The following TRIM9 variants were observed in gnomAD, a reference collection of about 807,000 sequenced individuals.
TRIM9 encodes the protein tripartite motif containing 9.
A neutral mutation model predicts 78.3 loss-of-function variants in TRIM9; 26 were observed. That is an observed-to-expected ratio of 0.33 (90% CI 0.24 to 0.46). TRIM9 has a LOEUF of 0.46. Among genes scored for constraint, TRIM9 ranks in the 20% least tolerant of loss-of-function variants. The pLI is 1.00. For missense variants in TRIM9, 787 were observed against 1,036.4 expected, an observed-to-expected ratio of 0.76 and a Z score of 3.30; for synonymous variants, 398 against 416.5, an observed-to-expected ratio of 0.96 and a Z score of 0.54.
chr14:51,045,182 T>C (rs1000909563), intron 1 of TRIM9, among the ~76,000 whole-genome samples: 1 of 152,154 alleles, frequency 6.6e-6, no homozygotes, highest in Non-Finnish European at 1.5e-5. Flanking sequence ...TGATGAGAAA[T>C]CAGAGACTCC....
chr14:50,993,789 T>A (rs137868073), intron 7 of TRIM9, among the ~76,000 whole-genome samples: 13 of 152,306 alleles, frequency 8.5e-5, no homozygotes, highest in Non-Finnish European at 1.5e-4. Flanking sequence ...ATAGCACTTT[T>A]CTAATGTTAG....
chr14:51,018,184 G>C (rs1282211191), intron 3 of TRIM9, among the ~76,000 whole-genome samples: 2 of 152,126 alleles, frequency 1.3e-5, no homozygotes, highest in Non-Finnish European at 2.9e-5. Context: ...TTCTTGGCTT[G>C]AATTAGTTGC....
intron 12 of TRIM9, chr14:50,978,785 G>A (rs2051404816): frequency 4.3e-6 from 2 of 469,476 alleles, no homozygotes; most frequent in Admixed American, 6.5e-5. Context: ...TTTCACTGAT[G>A]TATCCCAGAC....
intron 1 of TRIM9, among the ~76,000 whole-genome samples, chr14:51,081,290 A>G (rs2063286757): frequency 6.6e-6 from 1 of 152,228 alleles, no homozygotes; most frequent in South Asian, 2.1e-4. Flanking sequence ...AATCAAAACC[A>G]CAAGACTTCA....
chr14:51,025,219 A>T, intron 2 of TRIM9, 46 bp downstream of exon 2: 1 of 1,504,860 alleles, frequency 6.6e-7, no homozygotes, highest in Non-Finnish European at 9.2e-7. Flanking sequence ...CCACACAGTT[A>T]CGTATTAACC....
At chr14:50,980,495 T>C (rs2051723963) in intron 11 of TRIM9, among the ~76,000 whole-genome samples, 1 of 152,204 alleles carries the variant, frequency 6.6e-6, no homozygotes, top group East Asian at 1.9e-4. Flanking sequence ...GGTTTACAAA[T>C]TGCCTCTTGC....
intron 1 of TRIM9, among the ~76,000 whole-genome samples, chr14:51,069,992 A>G (rs1175356204): frequency 6.6e-6 from 1 of 152,222 alleles, no homozygotes; most frequent in Non-Finnish European, 1.5e-5. Flanking sequence ...GAGTTGTCCA[A>G]TGTGTAACTT....
chr14:51,027,699 C>G (rs1010323045), intron 1 of TRIM9, among the ~76,000 whole-genome samples: 15 of 152,142 alleles, frequency 9.9e-5, no homozygotes, highest in African/African-American at 3.6e-4. Context: ...AAAAGTTTCT[C>G]CTCAATAACT....
chr14:50,997,276 G>A, intron 7 of TRIM9: 1 of 985,342 alleles, frequency 1.0e-6, no homozygotes, highest in Non-Finnish European at 1.2e-6. Flanking sequence ...TCTCATCTGA[G>A]ACACATTACT....
chr14:51,016,836 G>T (rs2057261514), intron 3 of TRIM9, among the ~76,000 whole-genome samples: 1 of 152,114 alleles, frequency 6.6e-6, no homozygotes, highest in East Asian at 1.9e-4. Context: ...AGAGACTTTT[G>T]TTTCCGAATA....
At chr14:50,982,907 T>C in intron 10 of TRIM9, 35 bp downstream of exon 10, 1 of 1,538,602 alleles carries the variant, frequency 6.5e-7, no homozygotes, top group Non-Finnish European at 8.8e-7. Context: ...ACTTTGGTCT[T>C]TGCTATTTGG....
At chr14:50,983,501 C>G in intron 8 of TRIM9, 80 bp from the exon 9 acceptor site, 3 of 1,096,402 alleles carry the variant, frequency 2.7e-6, no homozygotes, top group Non-Finnish European at 3.9e-6. Context: ...TTAAAAAGCA[C>G]CAGTTGAATA....
At chr14:51,010,907 T>G (rs368787760) in intron 3 of TRIM9, among the ~76,000 whole-genome samples, 239 of 152,248 alleles carry the variant, frequency 1.6e-3, no homozygotes, top group African/African-American at 5.5e-3. Flanking sequence ...ACTGTCCACC[T>G]TCAGTGCCCT....
chr14:51,033,004 A>G (rs1378235687), intron 1 of TRIM9, among the ~76,000 whole-genome samples: 1 of 152,240 alleles, frequency 6.6e-6, no homozygotes, highest in Non-Finnish European at 1.5e-5. Context: ...TAAATATACC[A>G]GAATCTGCAA....
At chr14:51,067,493 A>C (rs2061849303) in intron 1 of TRIM9, among the ~76,000 whole-genome samples, 1 of 152,150 alleles carries the variant, frequency 6.6e-6, no homozygotes, top group Admixed American at 6.5e-5. Context: ...CTAAAATAAC[A>C]TTCAAACCCT....
chr14:51,031,147 C>CAAAAAAAAAAAA (rs1210514761), intron 1 of TRIM9, among the ~76,000 whole-genome samples: 2 of 100,750 alleles, frequency 2.0e-5, no homozygotes, highest in Non-Finnish European at 3.8e-5. Context: ...AAACTCTTTC[C>CAAAAAAAAAAAA]AAAAAAAAAA....
intron 1 of TRIM9, among the ~76,000 whole-genome samples, chr14:51,039,432 C>T (rs1328287545): frequency 6.6e-6 from 1 of 152,172 alleles, no homozygotes; most frequent in African/African-American, 2.4e-5. Flanking sequence ...TGTGTATTCA[C>T]GCGATTCAAT....
intron 1 of TRIM9, among the ~76,000 whole-genome samples, chr14:51,072,992 AT>A (rs34673300): frequency 0.011 from 1,723 of 150,284 alleles, 28 homozygotes; most frequent in East Asian, 0.06. Context: ...TGTTTTATTT[AT>A]TTTTTTTTTG....
chr14:51,039,073 A>C (rs1204937839), intron 1 of TRIM9, among the ~76,000 whole-genome samples: 1 of 152,202 alleles, frequency 6.6e-6, no homozygotes, highest in Non-Finnish European at 1.5e-5. Context: ...TGAATTTAGA[A>C]GGCCTTACCA....
Sources: gnomAD v4.1 joint callset for allele counts (sites outside exome capture counted in the v4.1 genomes callset) on GRCh38, gnomAD v4.1.1 for gene constraint, MANE v1.5 for transcripts, NCBI Gene and HGNC (gene_info 2026-07-23, HGNC 2026-07-21) for gene names.